Variants in TENM3 observed in about 807,000 individuals in gnomAD.
TENM3 encodes teneurin transmembrane protein 3.
A neutral mutation model predicts 255.1 loss-of-function variants in TENM3; 63 were observed. The ratio of observed to expected loss-of-function variants is 0.25; its 90% CI spans 0.20 to 0.30. The LOEUF (loss-of-function observed/expected upper bound fraction) is 0.30. Among genes scored for constraint, TENM3 ranks in the 10% least tolerant of loss-of-function variants. The probability of loss-of-function intolerance (pLI) is 1.00; values close to 1 mark genes in which losing one functional copy is unlikely to be tolerated. For synonymous variants in TENM3, 1,306 were observed against 1,322.3 expected, an observed-to-expected ratio of 0.99 and a Z score of 0.27; for missense variants, 2,929 against 3,461.1, an observed-to-expected ratio of 0.85 and a Z score of 3.86.
chr4:182,074,834 T>G, the TENM3 span, among the ~76,000 whole-genome samples: 3 of 152,134 alleles, frequency 2.0e-5, no homozygotes, highest in Admixed American at 1.3e-4. Flanking sequence ...ACGTGGTGCT[T>G]AAAAATGAAG....
the TENM3 span, among the ~76,000 whole-genome samples, chr4:181,615,288 C>T: frequency 6.6e-6 from 1 of 152,018 alleles, no homozygotes; most frequent in East Asian, 1.9e-4. Flanking sequence ...GAAAGATCTA[C>T]CAGAGAAAGA....
chr4:182,730,123 T>A (rs372149989), intron 14 of TENM3, 77 bp from the exon 15 acceptor site: 1 of 1,561,852 alleles, frequency 6.4e-7, no homozygotes, highest in Admixed American at 1.7e-5. Flanking sequence ...TATCCTTAGG[T>A]TGAATTATCT....
upstream of TENM3, chr4:182,143,899 G>A (rs1049743360): frequency 1.3e-5 from 2 of 152,656 alleles, no homozygotes; most frequent in Non-Finnish European, 1.5e-5. The surrounding 1 kb of genome is among the most constrained non-coding windows in gnomAD (Gnocchi z 4.3). Context: ...TGGGAGCCTC[G>A]GTGCTTTCCC....
the TENM3 span, among the ~76,000 whole-genome samples, chr4:181,582,015 G>A: frequency 6.6e-6 from 1 of 152,218 alleles, no homozygotes. Flanking sequence ...TTACAGGCAT[G>A]AGACACTGTG....
chr4:182,078,436 C>T, the TENM3 span, among the ~76,000 whole-genome samples: 4 of 152,052 alleles, frequency 2.6e-5, no homozygotes, highest in Non-Finnish European at 5.9e-5. Context: ...GCAGGGGAAT[C>T]GCTTGAACCT....
chr4:182,161,658 C>CAAATATATATATGTGTATATAT (rs1186036588), intron 1 of TENM3, among the ~76,000 whole-genome samples: 1 of 85,202 alleles, frequency 1.2e-5, no homozygotes, highest in Non-Finnish European at 2.3e-5. Context: ...TATATACACA[C>CAAATATATATATGTGTATATAT]ACACAAATAT....
chr4:182,792,312 C>T lies in TENM3; in HGVS notation c.5640C>T (p.Ile1880=). The change falls in exon 26 of 28, where the codon ATC becomes ATT. Residue 1880 remains isoleucine, a synonymous_variant. Coordinates refer to ENST00000511685, the MANE Select transcript of TENM3 (RefSeq NM_001080477.4). This position sits in a 1 kb window ranked among gnomAD's most constrained non-coding sequence, Gnocchi z 6.3. ...VLLLHSQRQY[I]FEYDMWDRLS... ...TGCTTCATAGCCAGCGGCAGTACAT[C>T]TTCGAATACGATATGTGGGACCGCC... 6.2e-7 allele frequency: 1 copy of T among 1,614,022 alleles called. No individual in the cohort carries two copies. The highest frequency in any genetic ancestry group is 8.5e-7 in the Non-Finnish European group (1 of 1,179,880).
chr4:181,603,517 A>C, the TENM3 span, among the ~76,000 whole-genome samples: 1 of 152,204 alleles, frequency 6.6e-6, no homozygotes, highest in Admixed American at 6.5e-5. Flanking sequence ...CCTGGACAAA[A>C]GTTAAGTCCA....
the TENM3 span, among the ~76,000 whole-genome samples, chr4:181,997,478 G>C: frequency 6.6e-6 from 1 of 152,148 alleles, no homozygotes; most frequent in African/African-American, 2.4e-5. Context: ...GTTCTCCCAA[G>C]AGGAACACAG....
At chr4:181,788,957 A>T in the TENM3 span, among the ~76,000 whole-genome samples, 1 of 152,178 alleles carries the variant, frequency 6.6e-6, no homozygotes, top group Non-Finnish European at 1.5e-5. Flanking sequence ...TAAAGCCACC[A>T]GCTCCATTTC....
chr4:182,482,017 T>C (rs193162982), intron 3 of TENM3, among the ~76,000 whole-genome samples: 28 of 152,310 alleles, frequency 1.8e-4, no homozygotes, highest in South Asian at 6.2e-4. Flanking sequence ...GCAGATACTG[T>C]ATCTTAATTG....
At chr4:182,588,882 T>C (rs570796804) in intron 3 of TENM3, among the ~76,000 whole-genome samples, 1 of 152,298 alleles carries the variant, frequency 6.6e-6, no homozygotes, top group East Asian at 1.9e-4. Flanking sequence ...TTCAGAGTGC[T>C]TGACATTTAG....
At chr4:182,286,813 C>T (rs1395084628) in intron 1 of TENM3, among the ~76,000 whole-genome samples, 1 of 152,134 alleles carries the variant, frequency 6.6e-6, no homozygotes, top group Non-Finnish European at 1.5e-5. Flanking sequence ...AGTCTTGCCC[C>T]CTCCTTTCTC....
At chr4:181,966,775 G>C in the TENM3 span, among the ~76,000 whole-genome samples, 2 of 152,158 alleles carry the variant, frequency 1.3e-5, no homozygotes, top group African/African-American at 2.4e-5. Flanking sequence ...ACAATAGCTA[G>C]TAAATTGACT....
Position 182,729,450 on chromosome 4 carries a change from C to G in TENM3, c.2585+269C>G, listed in dbSNP as rs113281026. Among the ~76,000 whole-genome samples, 559 of 151,452 alleles carry G rather than the reference C, an allele frequency of 3.7e-3. 8 individuals are homozygous for G. The highest frequency in any genetic ancestry group is 0.013 in the African/African-American group (532 of 41,270). On this transcript the variant is annotated intron_variant, in intron 14 of 27. Transcript: ENST00000511685. Reference sequence around the variant, plus strand: ...ATTTAACTAGTTGATTTTGTTAGCACAGTTGGAAATGTTTCAAAAGAAGCA... The same window carrying G: ...ATTTAACTAGTTGATTTTGTTAGCAGAGTTGGAAATGTTTCAAAAGAAGCA...
the TENM3 span, among the ~76,000 whole-genome samples, chr4:181,599,504 G>A: frequency 6.6e-6 from 1 of 152,114 alleles, no homozygotes; most frequent in African/African-American, 2.4e-5. Flanking sequence ...ACTTATCAGT[G>A]GTAAAGTAAC....
intron 3 of TENM3, among the ~76,000 whole-genome samples, chr4:182,496,033 G>T (rs1386008701): frequency 6.6e-6 from 1 of 152,152 alleles, no homozygotes; most frequent in Non-Finnish European, 1.5e-5. Context: ...CCTGTAATGA[G>T]ATCTGTAATG....
At chr4:181,467,774 G>T in the TENM3 span, among the ~76,000 whole-genome samples, 30,805 of 151,980 alleles carry the variant, frequency 0.2, 3,296 homozygotes, top group Middle Eastern at 0.25. Flanking sequence ...ATATTTAAAA[G>T]ATGTTGGTGA....
At chr4:181,495,915 A>AAG in the TENM3 span, among the ~76,000 whole-genome samples, 1 of 151,120 alleles carries the variant, frequency 6.6e-6, no homozygotes, top group Non-Finnish European at 1.5e-5. Context: ...AAAAAAAAAA[A>AAG]AAAAAAAGAA....
Sources: allele counts gnomAD v4.1 joint callset (sites outside exome capture counted in the v4.1 genomes callset), GRCh38; gene constraint gnomAD v4.1.1; non-coding constraint Gnocchi (gnomAD v3.1); transcripts MANE v1.5; gene names NCBI Gene and HGNC (gene_info 2026-07-23, HGNC 2026-07-21).